Variants in CEP43 observed in about 807,000 individuals in gnomAD.
CEP43 encodes FGFR1 oncogene partner.
Under a neutral mutation model 52.6 loss-of-function variants are expected in CEP43, and 36 were observed. The observed-to-expected ratio is 0.68, with a 90% CI of 0.52 to 0.90. The LOEUF (loss-of-function observed/expected upper bound fraction) is 0.90. Ranked by LOEUF, CEP43 falls within the 40% of genes least tolerant of loss-of-function variation. CEP43 has a pLI of 0.00. For missense variants in CEP43, 506 were observed against 472.8 expected (o/e 1.07, Z -0.65); for synonymous variants, 192 against 172.4 (o/e 1.11, Z -0.89).
In CEP43 at chr6:167,052,160, T is replaced by C. The variant is rs1382352063; in HGVS notation, c.*12182T>C. ...TATCAGAATCTACTTAAGTTTATACTAACTTATGTCCAGTGAGATAGAAAC... is the reference window on the plus strand; with the variant it reads ...TATCAGAATCTACTTAAGTTTATACCAACTTATGTCCAGTGAGATAGAAAC... On this transcript the variant is annotated 3_prime_UTR_variant, in exon 13 of 13. Coordinates refer to ENST00000366847, the MANE Select transcript of CEP43 (RefSeq NM_007045.4). The C allele has an allele frequency of 6.6e-6, 1 of 152,230 alleles. No homozygotes were observed. The highest frequency in any genetic ancestry group is 2.4e-5 in the African/African-American group (1 of 41,464). 9.4% of individuals were successfully genotyped at this position (152,230 alleles called of 1,614,324 possible). A position where few individuals can be genotyped will look rare whatever the true frequency, so the allele number is the denominator to read the frequency against.
At chr6:167,008,253 CT>C (rs1562524324) in intron 5 of CEP43, among the ~76,000 whole-genome samples, 1 of 151,928 alleles carries the variant, frequency 6.6e-6, no homozygotes, top group African/African-American at 2.4e-5. Context: ...GAATTATACT[CT>C]TTCCCCTTCC....
At chr6:167,019,235 T>C (rs575524193) in intron 7 of CEP43, among the ~76,000 whole-genome samples, 2,084 of 151,752 alleles carry the variant, frequency 0.014, 34 homozygotes, top group African/African-American at 0.048. Flanking sequence ...TCTGTGCACA[T>C]GCATACACCT....
intron 8 of CEP43, among the ~76,000 whole-genome samples, chr6:167,023,796 A>G (rs1040224105): frequency 2.0e-5 from 3 of 152,160 alleles, no homozygotes; most frequent in African/African-American, 7.2e-5. Flanking sequence ...GGATTTAGCC[A>G]TCTGGAGGTC....
At chr6:167,033,247 A>C (rs10946203) in intron 11 of CEP43, among the ~76,000 whole-genome samples, 52,621 of 150,596 alleles carry the variant, frequency 0.35, 10,339 homozygotes, top group Non-Finnish European at 0.46. Flanking sequence ...TGTAGCTGGG[A>C]TTATAGGTGC....
intron 7 of CEP43, 128 bp downstream of exon 7, chr6:167,013,695 TG>T (rs1780032580): frequency 2.8e-6 from 2 of 714,170 alleles, no homozygotes; most frequent in African/African-American, 1.8e-5. Flanking sequence ...CACTTGAGGC[TG>T]GGCTAGGTGG....
chr6:167,034,195 C>T (rs970253560), intron 12 of CEP43, among the ~76,000 whole-genome samples: 2 of 152,098 alleles, frequency 1.3e-5, no homozygotes, highest in Non-Finnish European at 2.9e-5. Flanking sequence ...TGCTGAAATG[C>T]CTGAGGATTA....
intron 10 of CEP43, among the ~76,000 whole-genome samples, chr6:167,029,995 G>A (rs1252587066): frequency 6.6e-6 from 1 of 152,244 alleles, no homozygotes. Context: ...ACATTGATCA[G>A]TTAGGGTAGG....
At chr6:167,024,561 T>G (rs562658568) in intron 8 of CEP43, among the ~76,000 whole-genome samples, 5 of 152,232 alleles carry the variant, frequency 3.3e-5, no homozygotes, top group Admixed American at 2.6e-4. Flanking sequence ...TAAAGAGAGG[T>G]GAGCTGATTT....
At chr6:167,018,773 C>T (rs538463103) in intron 7 of CEP43, among the ~76,000 whole-genome samples, 85 of 152,258 alleles carry the variant, frequency 5.6e-4, no homozygotes, top group African/African-American at 2.0e-3. Context: ...TTCAACTTAG[C>T]CAAATCCAGG....
chr6:167,016,993 T>TA lies in CEP43; in HGVS notation c.579+3426_579+3427insA, dbSNP rs964048037. 5.9e-3 allele frequency among the ~76,000 whole-genome samples: 883 copies of TA among 149,762 alleles called. 9 individuals carry two copies. Among genetic ancestry groups the TA allele is most frequent in the African/African-American group, 0.02 (819 of 40,854 alleles). ...AAATTTTATTTATTATTTATTTATT[T>TA]TTTTTTTTTTTTATTTTTTTGAGAT... On this transcript the variant is annotated intron_variant, in intron 7 of 12. Transcript: ENST00000366847.
At chr6:167,006,009 G>A (rs1202263866) in intron 5 of CEP43, among the ~76,000 whole-genome samples, 1 of 152,158 alleles carries the variant, frequency 6.6e-6, no homozygotes, top group Non-Finnish European at 1.5e-5. Flanking sequence ...CCCCAGCTCT[G>A]CTACATTCTA....
At chr6:167,036,520 TA>T (rs1780588619) in intron 12 of CEP43, 1 of 985,304 alleles carries the variant, frequency 1.0e-6, no homozygotes, top group Non-Finnish European at 1.2e-6. Flanking sequence ...GGACAGAACA[TA>T]AGTGTGCATC....
At chr6:167,015,618 C>T (rs1335618105) in intron 7 of CEP43, among the ~76,000 whole-genome samples, 2 of 152,160 alleles carry the variant, frequency 1.3e-5, no homozygotes, top group Non-Finnish European at 2.9e-5. Flanking sequence ...CCTAGGGTAC[C>T]GCTGCTCCCG....
chr6:167,046,103 A>G lies in CEP43; in HGVS notation c.*6125A>G, dbSNP rs1430184329. On this transcript the variant is annotated 3_prime_UTR_variant, in exon 13 of 13. Transcript: ENST00000366847. ...CCTCTAGTTTTCTCTTTACATTTTA[A>G]CATACACTATTATGTGTCAATATAT... 1.3e-5 allele frequency: 2 copies of G among 152,138 alleles called. No homozygotes were observed. Among genetic ancestry groups the G allele is most frequent in the Non-Finnish European group, 2.9e-5 (2 of 68,032 alleles). The allele number at this position is 152,138 out of a possible 1,614,324, so 9.4% of individuals were successfully genotyped here.
At chr6:167,013,629 C>G (rs1218658642) in intron 7 of CEP43, 62 bp downstream of exon 7, 2 of 1,330,658 alleles carry the variant, frequency 1.5e-6, no homozygotes, top group African/African-American at 1.5e-5. Context: ...GACTCTGGGG[C>G]CTCCTGGAGC....
intron 5 of CEP43, 30 bp downstream of exon 5, chr6:167,004,431 A>G (rs748703185): frequency 1.9e-5 from 29 of 1,551,514 alleles, no homozygotes; most frequent in East Asian, 1.4e-4. Context: ...ATCTTTTTCT[A>G]TTTTAATTAT....
chr6:167,026,688 G>A, intron 10 of CEP43, 73 bp downstream of exon 10: 1 of 907,936 alleles, frequency 1.1e-6, no homozygotes, highest in Admixed American at 1.9e-5. Flanking sequence ...TAAAAGAAGT[G>A]ACTCCGTCTG....
intron 7 of CEP43, among the ~76,000 whole-genome samples, chr6:167,019,055 G>A (rs560352654): frequency 5.3e-4 from 81 of 152,338 alleles, no homozygotes; most frequent in African/African-American, 1.8e-3. Context: ...TTGAGCCACG[G>A]CTTCCAGTCA....
Position 167,040,685 on chromosome 6 carries a change from T to C in CEP43, c.*707T>C. The stretch of plus-strand genomic sequence containing the variant: ...ATCGTCATTCCTCCTGTTATCCATG[T>C]AAGCAGCTTTAGTCGTAGGTTCTCT... On this transcript the variant is annotated 3_prime_UTR_variant, in exon 13 of 13. Coordinates refer to ENST00000366847, the MANE Select transcript of CEP43 (RefSeq NM_007045.4). 2.0e-6 allele frequency: 2 copies of C among 1,021,854 alleles called. No individual in the cohort carries two copies. Among genetic ancestry groups the C allele is most frequent in the Non-Finnish European group, 2.4e-6 (2 of 849,820 alleles). 63.3% of individuals were successfully genotyped at this position (1,021,854 alleles called of 1,614,324 possible). A position where few individuals can be genotyped will look rare whatever the true frequency, so the allele number is the denominator to read the frequency against.
Sources: allele counts gnomAD v4.1 joint callset (sites outside exome capture counted in the v4.1 genomes callset), GRCh38; gene constraint gnomAD v4.1.1; transcripts MANE v1.5; gene names NCBI Gene and HGNC (gene_info 2026-07-23, HGNC 2026-07-21).